Variants in GPR37L1 observed in about 807,000 individuals in gnomAD.
The protein encoded by GPR37L1 is G protein-coupled receptor 37-like 1.
GPR37L1 carries 18 observed loss-of-function variants against 18.0 expected under a neutral mutation model. The ratio of observed to expected loss-of-function variants is 1.00; its 90% CI spans 0.69 to 1.49. The LOEUF (loss-of-function observed/expected upper bound fraction) is 1.49. Ranked by LOEUF, GPR37L1 falls within the 40% of genes most tolerant of loss-of-function variation. GPR37L1 has a pLI of 0.00. For missense variants in GPR37L1, 558 were observed against 615.1 expected (o/e 0.91, Z 0.98); for synonymous variants, 256 against 273.9 (o/e 0.93, Z 0.65).
In GPR37L1 at chr1:202,123,396, A is replaced by G; in HGVS notation, c.433A>G (p.Ile145Val). The change falls in exon 1 of 2, where the codon ATT (isoleucine) becomes GTT (valine). Residue 145 changes from isoleucine (I) to valine (V), a missense_variant. Physicochemically the swap from Ile to Val is conservative, Grantham distance 29 (BLOSUM62 3). Transcript: ENST00000367282. ...LLALVVFAVG[I>V]VGNLSVMCIV... Reference sequence around the variant, plus strand: ...GGCGCTGGTGGTGTTTGCGGTGGGCATTGTGGGCAACCTGTCGGTCATGTG... The same window carrying G: ...GGCGCTGGTGGTGTTTGCGGTGGGCGTTGTGGGCAACCTGTCGGTCATGTG... 6.2e-7 allele frequency: 1 copy of G among 1,614,040 alleles called. No homozygotes were observed. Among genetic ancestry groups the G allele is most frequent in the Non-Finnish European group, 8.5e-7 (1 of 1,179,998 alleles).
Position 202,123,129 on chromosome 1 carries a change from G to A in GPR37L1, c.166G>A (p.Val56Met), listed in dbSNP as rs140390018. 4.2e-5 allele frequency: 68 copies of A among 1,613,568 alleles called. No individual in the cohort carries two copies. The highest frequency in any genetic ancestry group is 3.7e-4 in the African/African-American group (28 of 75,074). ...CACCGAGGATGAGGAGGCCAAGGGCGTGCAGCAGTATGTGCCTGAGGAGTG... is the reference window on the plus strand; with the variant it reads ...CACCGAGGATGAGGAGGCCAAGGGCATGCAGCAGTATGTGCCTGAGGAGTG... Reference protein sequence around the residue: ...RGTEDEEAKGVQQYVPEEWAE... With the variant: ...RGTEDEEAKGMQQYVPEEWAE... Residue 56 changes from valine to methionine, a missense_variant, in exon 1 of 2, where the codon GTG becomes ATG. Val to Met is a conservative substitution (Grantham distance 21). Transcript: ENST00000367282.
chr1:202,125,427 T>C (rs1278951662), intron 1 of GPR37L1, among the ~76,000 whole-genome samples: 1 of 152,074 alleles, frequency 6.6e-6, no homozygotes, highest in East Asian at 1.9e-4. Context: ...ATTAAATGGG[T>C]GATGTCTATA....
Position 202,127,954 on chromosome 1 carries a change from A to G in GPR37L1, c.844A>G (p.Thr282Ala). Residue 282 changes from threonine to alanine, a missense_variant, in exon 2 of 2, where the codon ACC becomes GCC. Physicochemically the swap from Thr to Ala is moderately conservative, Grantham distance 58. Transcript: ENST00000367282. ...LAQEPAPTMGTLDSCIMKPSA... is the reference protein window; with the variant it reads ...LAQEPAPTMGALDSCIMKPSA... ...ACAGGAGCCTGCCCCCACCATGGGCACCCTGGACTCATGCATCATGAAACC... is the reference window on the plus strand; with the variant it reads ...ACAGGAGCCTGCCCCCACCATGGGCGCCCTGGACTCATGCATCATGAAACC... The G allele has an allele frequency of 6.2e-7, 1 of 1,613,910 alleles. No homozygotes were observed. Among genetic ancestry groups the G allele is most frequent in the Non-Finnish European group, 8.5e-7 (1 of 1,179,926 alleles).
intron 1 of GPR37L1, among the ~76,000 whole-genome samples, chr1:202,124,788 G>A (rs1654612234): frequency 6.6e-6 from 1 of 152,188 alleles, no homozygotes; most frequent in South Asian, 2.1e-4. Flanking sequence ...GACTCCCTGT[G>A]TCTCAGCAGT....
chr1:202,125,700 A>T (rs974404485), intron 1 of GPR37L1, among the ~76,000 whole-genome samples: 3 of 152,050 alleles, frequency 2.0e-5, no homozygotes, highest in Non-Finnish European at 4.4e-5. Context: ...TTTGAGACAG[A>T]GTCTCACTCT....
Position 202,128,381 on chromosome 1 carries a change from GC to G in GPR37L1, c.1273del (p.Gln425ArgfsTer131). On this transcript the variant is annotated frameshift_variant, in exon 2 of 2. Coordinates refer to ENST00000367282, the MANE Select transcript of GPR37L1 (RefSeq NM_004767.5). LOFTEE classifies it low-confidence loss of function (END_TRUNC). ...VLLLCICRPL[G>X]QAFLDCCCCC... ...CTCCTTTGCATCTGCAGGCCGCTGG[GC>G]CAGGCCTTCCTGGACTGCTGCTGCT... The G allele has an allele frequency of 6.2e-7, 1 of 1,614,162 alleles. No individual in the cohort carries two copies.
In GPR37L1 at chr1:202,130,245, C is replaced by A. The variant is rs116853128; in HGVS notation, c.*1689C>A. The A allele has an allele frequency of 0.015, 2,274 of 152,656 alleles. 23 individuals are homozygous for A. The highest frequency in any genetic ancestry group is 0.028 in the East Asian group (146 of 5,184). The allele number at this position is 152,656 out of a possible 1,614,324, so 9.5% of individuals were successfully genotyped here. A position where few individuals can be genotyped will look rare whatever the true frequency, so the allele number is the denominator to read the frequency against. ...CTCAGCTTTCCTCAGAACCACCCCC[C>A]CTGTCTGAAGCTCTGTCCTGGGTCC... On this transcript the variant is annotated 3_prime_UTR_variant, in exon 2 of 2. Transcript: ENST00000367282.
intron 1 of GPR37L1, among the ~76,000 whole-genome samples, chr1:202,126,415 AAAG>A (rs1346062774): frequency 1.3e-5 from 2 of 151,914 alleles, no homozygotes; most frequent in African/African-American, 4.8e-5. Flanking sequence ...GAAAAAAAAA[AAAG>A]GAGAGAGAAT....
chr1:202,125,023 G>A (rs1356729257), intron 1 of GPR37L1, among the ~76,000 whole-genome samples: 1 of 151,902 alleles, frequency 6.6e-6, no homozygotes, highest in Non-Finnish European at 1.5e-5. Context: ...AAATTAGCCG[G>A]GTGTGGTGGC....
At chr1:202,123,661 T>C in intron 1 of GPR37L1, 68 bp downstream of exon 1, 2 of 1,418,598 alleles carry the variant, frequency 1.4e-6, no homozygotes, top group Non-Finnish European at 9.5e-7. Context: ...AAAGTCTCCA[T>C]CAGGTCTTTG....
chr1:202,128,825 G>C lies in GPR37L1; in HGVS notation c.*269G>C. On this transcript the variant is annotated 3_prime_UTR_variant, in exon 2 of 2. Transcript: ENST00000367282. The stretch of plus-strand genomic sequence containing the variant: ...CCAGAAACTCTGAGTCCCAGCAGCT[G>C]GGAGCCAGAACTTTGCCTGCCCTCC... 5.8e-6 allele frequency: 2 copies of C among 347,422 alleles called. No homozygotes were observed. Among genetic ancestry groups the C allele is most frequent in the Non-Finnish European group, 1.0e-5 (2 of 192,160 alleles). 21.5% of individuals were successfully genotyped at this position (347,422 alleles called of 1,614,324 possible). A position where few individuals can be genotyped will look rare whatever the true frequency, so the allele number is the denominator to read the frequency against.
rs1558300726 is a variant in GPR37L1 at position 202,123,489 on chromosome 1, G to T, written c.526G>T (p.Asp176Tyr). 6.2e-7 allele frequency: 1 copy of T among 1,614,010 alleles called. No homozygotes were observed. Among genetic ancestry groups the T allele is most frequent in the Non-Finnish European group, 8.5e-7 (1 of 1,180,000 alleles). Residue 176 changes from aspartate to tyrosine, a missense_variant, in exon 1 of 2, where the codon GAT becomes TAT. Coordinates refer to ENST00000367282, the MANE Select transcript of GPR37L1 (RefSeq NM_004767.5). ...CATCCTTGCCAGCCTGGCCCTCTGG[G>T]ATTTTCTGGTCCTCTTTTTCTGCCT... Reference protein sequence around the residue: ...NSILASLALWDFLVLFFCLPI... With the variant: ...NSILASLALWYFLVLFFCLPI...
chr1:202,127,299 C>CTTCT (rs1247889426), intron 1 of GPR37L1, among the ~76,000 whole-genome samples: 5 of 132,496 alleles, frequency 3.8e-5, no homozygotes, highest in Non-Finnish European at 8.0e-5. Flanking sequence ...TCCTTCCTTC[C>CTTCT]TTCCTTCTTT....
At chr1:202,123,705 C>T in intron 1 of GPR37L1, 112 bp downstream of exon 1, 2 of 949,604 alleles carry the variant, frequency 2.1e-6, no homozygotes, top group South Asian at 1.6e-5. Context: ...AAACCTGAGT[C>T]TTGGAGCTCT....
chr1:202,124,070 G>T (rs1266399613), intron 1 of GPR37L1, among the ~76,000 whole-genome samples: 1 of 152,174 alleles, frequency 6.6e-6, no homozygotes, highest in East Asian at 1.9e-4. Context: ...TGAAGGGAGA[G>T]CCCAATTTCC....
rs775290085 is a variant in GPR37L1, at chr1:202,127,845, C to T, written c.735C>T (p.Cys245=). 1.9e-6 allele frequency: 3 copies of T among 1,613,934 alleles called. No homozygotes were observed. In the Admixed American group the frequency reaches 5.0e-5, roughly 27 times the overall value. ...CCAAGGTGAGGCCCATCGAGCGGTG[C>T]CAATCCATCCTGGCCAAGTTGGCTG... ...TLPKVRPIER[C]QSILAKLAVI... Residue 245 remains cysteine, a synonymous_variant, in exon 2 of 2, where the codon TGC becomes TGT. Transcript: ENST00000367282.
rs1357871398 is a variant in GPR37L1, at chr1:202,130,565, C to G, written c.*2009C>G. 1 of 152,296 alleles carries G rather than the reference C, an allele frequency of 6.6e-6. No homozygotes were observed. Among genetic ancestry groups the G allele is most frequent in the South Asian group, 2.1e-4 (1 of 4,830 alleles). 9.4% of individuals were successfully genotyped at this position (152,296 alleles called of 1,614,324 possible). ...AGGTGATGGCGCCGCCATGCACACA[C>G]CCTTTGTGCTGGGGAGTGACACCCA... On this transcript the variant is annotated 3_prime_UTR_variant, in exon 2 of 2. Coordinates refer to ENST00000367282, the MANE Select transcript of GPR37L1 (RefSeq NM_004767.5).
rs1421845147 is a variant in GPR37L1, at chr1:202,123,308, G to C, written c.345G>C (p.Gln115His). 6.2e-7 allele frequency: 1 copy of C among 1,614,082 alleles called. No homozygotes were observed. Among genetic ancestry groups the C allele is most frequent in the African/African-American group, 1.3e-5 (1 of 74,942 alleles). The change falls in exon 1 of 2, where the codon CAG becomes CAC. Residue 115 changes from glutamine (Q) to histidine (H), a missense_variant. Gln to His is a conservative substitution (Grantham distance 24, BLOSUM62 0). Coordinates refer to ENST00000367282, the MANE Select transcript of GPR37L1 (RefSeq NM_004767.5). ...NLTGAPGQRLQIQNPLYPVTE... is the reference protein window; with the variant it reads ...NLTGAPGQRLHIQNPLYPVTE... ...CAGGAGCACCAGGGCAGAGGCTACA[G>C]ATCCAGAACCCCCTGTATCCGGTGA...
chr1:202,128,548 C>T lies in GPR37L1; in HGVS notation c.1438C>T (p.Pro480Ser). ...ESPPLLPLGT[P>S]C ...ACCCCCACTCCTGCCCCTGGGCACA[C>T]CTTGCTGAGGCCCCAGTAGGGGTGG... Residue 480 changes from proline to serine, a missense_variant, in exon 2 of 2, where the codon CCT becomes TCT. Physicochemically the swap from Pro to Ser is moderately conservative, Grantham distance 74 (BLOSUM62 -1). Coordinates refer to ENST00000367282, the MANE Select transcript of GPR37L1 (RefSeq NM_004767.5). 1.3e-6 allele frequency: 2 copies of T among 1,554,718 alleles called. No individual in the cohort carries two copies. The highest frequency in any genetic ancestry group is 1.2e-5 in the South Asian group (1 of 81,466).
Sources: allele counts gnomAD v4.1 joint callset (sites outside exome capture counted in the v4.1 genomes callset), GRCh38; gene constraint gnomAD v4.1.1; transcripts MANE v1.5; gene names NCBI Gene and HGNC (gene_info 2026-07-23, HGNC 2026-07-21).